The following CHRM3 variants were observed in gnomAD, a reference collection of about 807,000 sequenced individuals.
The protein encoded by CHRM3 is cholinergic receptor muscarinic 3.
A neutral mutation model predicts 41.8 loss-of-function variants in CHRM3; 11 were observed. The observed-to-expected ratio is 0.26, with a 90% CI of 0.17 to 0.44. The LOEUF (loss-of-function observed/expected upper bound fraction) is 0.44, where lower values mean the gene tolerates loss of function less well. Among genes scored for constraint, CHRM3 ranks in the 20% least tolerant of loss-of-function variants. The probability of loss-of-function intolerance (pLI) is 1.00; values close to 1 mark genes in which losing one functional copy is unlikely to be tolerated. For synonymous variants in CHRM3, 297 were observed against 301.4 expected, an observed-to-expected ratio of 0.99 and a Z score of 0.15; for missense variants, 571 against 745.4, an observed-to-expected ratio of 0.77 and a Z score of 2.72.
intron 3 of CHRM3, among the ~76,000 whole-genome samples, chr1:239,577,144 T>G (rs769423673): frequency 1.3e-5 from 2 of 152,172 alleles, no homozygotes; most frequent in Non-Finnish European, 2.9e-5. Context: ...AATAGATTTC[T>G]GACTAGATTT....
At chr1:239,762,099 T>C (rs757050804) in intron 5 of CHRM3, among the ~76,000 whole-genome samples, 17 of 152,278 alleles carry the variant, frequency 1.1e-4, no homozygotes, top group Admixed American at 2.0e-4. Flanking sequence ...GTTTCAGCTA[T>C]TTTATCCAGT....
At chr1:239,735,523 A>C (rs1354891372) in intron 5 of CHRM3, among the ~76,000 whole-genome samples, 2 of 152,168 alleles carry the variant, frequency 1.3e-5, no homozygotes, top group Non-Finnish European at 2.9e-5. Flanking sequence ...GGCCACTGTC[A>C]AACTTTTTTT....
At chr1:239,712,232 A>G (rs1418084553) in intron 5 of CHRM3, among the ~76,000 whole-genome samples, 1 of 152,152 alleles carries the variant, frequency 6.6e-6, no homozygotes, top group East Asian at 1.9e-4. Context: ...TCCCCGATCA[A>G]TTTCAGGTAA....
chr1:239,563,992 A>G (rs1203711068), intron 3 of CHRM3, among the ~76,000 whole-genome samples: 25 of 152,212 alleles, frequency 1.6e-4, no homozygotes, highest in Admixed American at 1.6e-3. Context: ...TAAAAATTTA[A>G]TAGCAAAAAA....
chr1:239,847,759 C>T (rs1333566331), intron 6 of CHRM3, among the ~76,000 whole-genome samples: 1 of 151,700 alleles, frequency 6.6e-6, no homozygotes, highest in Admixed American at 6.6e-5. Context: ...CAAACACATA[C>T]AAAAACTAGC....
At chr1:239,849,048 G>A (rs1159703234) in intron 6 of CHRM3, among the ~76,000 whole-genome samples, 1 of 152,076 alleles carries the variant, frequency 6.6e-6, no homozygotes, top group Non-Finnish European at 1.5e-5. Context: ...ACAATTTATG[G>A]AACTTTCAAC....
intron 5 of CHRM3, among the ~76,000 whole-genome samples, chr1:239,788,226 A>AC (rs1335515287): frequency 2.0e-5 from 3 of 151,870 alleles, no homozygotes; most frequent in Admixed American, 1.3e-4. Context: ...GTAGAGTGAG[A>AC]CCCCCCAACT....
At chr1:239,610,839 G>C (rs1012479783) in intron 3 of CHRM3, among the ~76,000 whole-genome samples, 1 of 152,158 alleles carries the variant, frequency 6.6e-6, no homozygotes, top group African/African-American at 2.4e-5. Context: ...GGATCATGAG[G>C]TCAAGAGATT....
intron 1 of CHRM3, among the ~76,000 whole-genome samples, chr1:239,435,698 C>T (rs1663201449): frequency 6.6e-6 from 1 of 151,980 alleles, no homozygotes; most frequent in Non-Finnish European, 1.5e-5. Context: ...GAAAGAGTAT[C>T]CTAGTGGCAA....
At chr1:239,710,776 G>T (rs111499299) in intron 5 of CHRM3, among the ~76,000 whole-genome samples, 2 of 151,148 alleles carry the variant, frequency 1.3e-5, no homozygotes, top group African/African-American at 2.4e-5. Context: ...AGGCTTTAAG[G>T]CCTTAATAAA....
intron 3 of CHRM3, among the ~76,000 whole-genome samples, chr1:239,594,169 T>G (rs1485298898): frequency 6.6e-6 from 1 of 152,216 alleles, no homozygotes; most frequent in African/African-American, 2.4e-5. Flanking sequence ...GTGAAGTACT[T>G]CATATTGACT....
chr1:239,630,303 C>T (rs1669671722), intron 3 of CHRM3, among the ~76,000 whole-genome samples: 1 of 152,118 alleles, frequency 6.6e-6, no homozygotes, highest in Non-Finnish European at 1.5e-5. Context: ...GTTGGGACTC[C>T]TAATTGTAAA....
At position 239,488,714 on chromosome 1, in the gene CHRM3, C is replaced by CAAAA. The variant is rs763682628; in HGVS notation, c.-520-3961_-520-3958dup. On this transcript the variant is annotated intron_variant, in intron 1 of 6. Transcript: ENST00000676153. ...TGGATGACAGAGCGAGACTCCTTCTCAAAAAAAAAAAAAAAAAAAAAAAAA... is the reference window on the plus strand; with the variant it reads ...TGGATGACAGAGCGAGACTCCTTCTCAAAAAAAAAAAAAAAAAAAAAAAAAAAAA... Among the ~76,000 whole-genome samples the CAAAA allele has an allele frequency of 3.3e-3, 154 of 46,220 alleles. 26 individuals are homozygous for CAAAA. Among genetic ancestry groups the CAAAA allele is most frequent in the African/African-American group, 0.015 (148 of 9,802 alleles). The allele number at this position is 46,220 out of a possible 152,430, so 30.3% of individuals were successfully genotyped here.
At chr1:239,820,575 G>A (rs1450287671) in intron 5 of CHRM3, among the ~76,000 whole-genome samples, 2 of 152,186 alleles carry the variant, frequency 1.3e-5, no homozygotes, top group Non-Finnish European at 2.9e-5. Flanking sequence ...CTTCGGGAGA[G>A]ATGTTGATGG....
intron 5 of CHRM3, among the ~76,000 whole-genome samples, chr1:239,740,759 T>A (rs1321497796): frequency 6.6e-6 from 1 of 152,014 alleles, no homozygotes. Flanking sequence ...ATCAAAACCA[T>A]AATGAGATAC....
At chr1:239,543,824 T>A (rs1379407055) in intron 2 of CHRM3, among the ~76,000 whole-genome samples, 1 of 152,042 alleles carries the variant, frequency 6.6e-6, no homozygotes, top group Non-Finnish European at 1.5e-5. Flanking sequence ...CCGATTTTTA[T>A]AAGGGGTCAG....
chr1:239,581,942 A>G (rs1662941058), intron 3 of CHRM3, among the ~76,000 whole-genome samples: 1 of 152,194 alleles, frequency 6.6e-6, no homozygotes, highest in Non-Finnish European at 1.5e-5. Context: ...CATTATTTGT[A>G]GCATTTTTCA....
intron 3 of CHRM3, among the ~76,000 whole-genome samples, chr1:239,555,490 T>C (rs1190138793): frequency 6.6e-6 from 1 of 152,132 alleles, no homozygotes; most frequent in Non-Finnish European, 1.5e-5. Flanking sequence ...AATGAGGACT[T>C]GCTAAAACAG....
chr1:239,790,406 CA>C (rs2148856754), intron 5 of CHRM3, among the ~76,000 whole-genome samples: 1 of 152,222 alleles, frequency 6.6e-6, no homozygotes, highest in East Asian at 1.9e-4. Flanking sequence ...AAGTTTCCCC[CA>C]AACTGTTTTC....
Sources: allele counts gnomAD v4.1 joint callset (sites outside exome capture counted in the v4.1 genomes callset), GRCh38; gene constraint gnomAD v4.1.1; transcripts MANE v1.5; gene names NCBI Gene and HGNC (gene_info 2026-07-23, HGNC 2026-07-21).